TAFA5: variants seen among roughly 807,000 people sequenced by gnomAD.
The protein encoded by TAFA5 is TAFA chemokine like family member 5.
A neutral mutation model predicts 15.3 loss-of-function variants in TAFA5; 6 were observed. The ratio of observed to expected loss-of-function variants is 0.39; its 90% CI spans 0.21 to 0.77. TAFA5 has a LOEUF of 0.77. Among genes scored for constraint, TAFA5 ranks in the 30% least tolerant of loss-of-function variants. The pLI is 0.41. For missense variants in TAFA5, 161 were observed against 193.1 expected, an observed-to-expected ratio of 0.83 and a Z score of 0.98; for synonymous variants, 103 against 80.7, an observed-to-expected ratio of 1.28 and a Z score of -1.48.
chr22:48,489,822 C>T lies in TAFA5; in HGVS notation c.112+118C>T, dbSNP rs1928077857. The T allele has an allele frequency of 1.9e-6, 1 of 529,532 alleles. No homozygotes were observed. Among genetic ancestry groups the T allele is most frequent in the African/African-American group, 2.0e-5 (1 of 48,994 alleles). 32.8% of individuals were successfully genotyped at this position (529,532 alleles called of 1,614,324 possible). A position where few individuals can be genotyped will look rare whatever the true frequency, so the allele number is the denominator to read the frequency against. On this transcript the variant is annotated intron_variant, in intron 1 of 3. Transcript: ENST00000402357. This position sits in a 1 kb window ranked among gnomAD's most constrained non-coding sequence, Gnocchi z 5.5. ...TCGGCGCGGAGTTACGAGCGCCGGG[C>T]GCATGGTCCCCCGAGTCCCGGCCGG...
intron 2 of TAFA5, among the ~76,000 whole-genome samples, chr22:48,682,828 A>T (rs543051936): frequency 1.3e-4 from 19 of 151,982 alleles, no homozygotes; most frequent in Admixed American, 4.6e-4. Context: ...GTTTATTTCT[A>T]AAGCCAGGCT....
chr22:48,723,151 C>T (rs1929619918), intron 3 of TAFA5, among the ~76,000 whole-genome samples: 1 of 152,186 alleles, frequency 6.6e-6, no homozygotes, highest in African/African-American at 2.4e-5. Context: ...AGATGTGCCT[C>T]ATTCTCAGCC....
intron 1 of TAFA5, among the ~76,000 whole-genome samples, chr22:48,632,582 G>A (rs972998873): frequency 5.9e-5 from 9 of 151,464 alleles, no homozygotes; most frequent in East Asian, 1.9e-4. Flanking sequence ...AGAACGTGCC[G>A]GGCCCTGGAG....
intron 1 of TAFA5, among the ~76,000 whole-genome samples, chr22:48,615,814 G>T (rs979346115): frequency 6.6e-6 from 1 of 152,144 alleles, no homozygotes; most frequent in African/African-American, 2.4e-5. Context: ...GCTCCTGTCC[G>T]CAGAGAACCC....
rs990032627 is a variant in TAFA5 at position 48,650,238 on chromosome 22, G to A, written c.262+3492G>A. On this transcript the variant is annotated intron_variant, in intron 2 of 3. Coordinates refer to ENST00000402357, the MANE Select transcript of TAFA5 (RefSeq NM_001082967.3). ...GCACTTGCTGCCCCTACCGCGTTCC[G>A]TGACCACAGGCGCTCGGAATGCCGG... is the stretch of plus-strand genomic sequence containing the variant. Among the ~76,000 whole-genome samples, 4 of 152,230 alleles carry A rather than the reference G, an allele frequency of 2.6e-5. No individual in the cohort carries two copies. In the East Asian group the frequency reaches 5.8e-4, roughly 22 times the overall value.
rs1467457734 is a variant in TAFA5 at position 48,633,531 on chromosome 22, TGTCTCTCC to T, written c.113-13065_113-13058del. On this transcript the variant is annotated intron_variant, in intron 1 of 3. Coordinates refer to ENST00000402357, the MANE Select transcript of TAFA5 (RefSeq NM_001082967.3). ...CTGTCTGTCTGTCTGTCTGTCTGTCTGTCTCTCCCTCTCTCTCTCTCTCTCTCCATCTC... is the reference window on the plus strand; with the variant it reads ...CTGTCTGTCTGTCTGTCTGTCTGTCTCTCTCTCTCTCTCTCTCTCCATCTC... Among the ~76,000 whole-genome samples, 801 of 114,648 alleles carry T rather than the reference TGTCTCTCC, an allele frequency of 7.0e-3. 13 individuals carry two copies. Among genetic ancestry groups the T allele is most frequent in the African/African-American group, 0.023 (671 of 28,950 alleles). The allele number at this position is 114,648 out of a possible 152,430, so 75.2% of individuals were successfully genotyped here. A position where few individuals can be genotyped will look rare whatever the true frequency, so the allele number is the denominator to read the frequency against.
At chr22:48,730,252 C>T (rs1046704986) in intron 3 of TAFA5, among the ~76,000 whole-genome samples, 1 of 152,124 alleles carries the variant, frequency 6.6e-6, no homozygotes, top group African/African-American at 2.4e-5. Flanking sequence ...GGCATGGTGG[C>T]ACGTGCCTAT....
intron 1 of TAFA5, among the ~76,000 whole-genome samples, chr22:48,555,598 C>T (rs1380533886): frequency 6.6e-6 from 1 of 152,182 alleles, no homozygotes; most frequent in African/African-American, 2.4e-5. Flanking sequence ...ACCCACTGAA[C>T]ACTGAGAAGC....
intron 1 of TAFA5, among the ~76,000 whole-genome samples, chr22:48,582,408 A>G (rs1463025313): frequency 1.3e-5 from 2 of 151,384 alleles, no homozygotes; most frequent in East Asian, 3.9e-4. Context: ...AAAATACACC[A>G]CACACAAAAT....
chr22:48,626,817 T>C (rs373070214), intron 1 of TAFA5, among the ~76,000 whole-genome samples: 3 of 152,262 alleles, frequency 2.0e-5, no homozygotes, highest in Non-Finnish European at 2.9e-5. Flanking sequence ...TTTCATATTA[T>C]TGTGTTTCGT....
chr22:48,543,045 C>T lies in TAFA5; in HGVS notation c.112+53341C>T, dbSNP rs544690560. Reference sequence around the variant, plus strand: ...CCACTCTACATAGTGGGACCCCGATCTGGCAGTGTGTGACTTGCTGAGGGG... The same window carrying T: ...CCACTCTACATAGTGGGACCCCGATTTGGCAGTGTGTGACTTGCTGAGGGG... On this transcript the variant is annotated intron_variant, in intron 1 of 3. Coordinates refer to ENST00000402357, the MANE Select transcript of TAFA5 (RefSeq NM_001082967.3). Among the ~76,000 whole-genome samples, 10 of 151,930 alleles carry T rather than the reference C, an allele frequency of 6.6e-5. No individual in the cohort carries two copies. In the South Asian group the frequency reaches 2.1e-3, roughly 32 times the overall value.
chr22:48,635,019 T>C (rs761784), intron 1 of TAFA5, among the ~76,000 whole-genome samples: 129,437 of 152,234 alleles, frequency 0.85, 55,389 homozygotes, highest in East Asian at 1. Context: ...GGATCCTCTG[T>C]CCTGGTCAGG....
intron 1 of TAFA5, among the ~76,000 whole-genome samples, chr22:48,529,297 C>T (rs1195209589): frequency 1.3e-3 from 68 of 50,654 alleles, no homozygotes; most frequent in East Asian, 0.011. Context: ...ATGGGGGTGT[C>T]CAGGCAGGAG....
intron 1 of TAFA5, among the ~76,000 whole-genome samples, chr22:48,521,335 A>G (rs1374486774): frequency 1.3e-5 from 2 of 152,110 alleles, no homozygotes; most frequent in Admixed American, 6.5e-5. Flanking sequence ...GTTCCAGATC[A>G]CGGCCCAGGG....
chr22:48,668,715 A>T (rs1470538095), intron 2 of TAFA5, among the ~76,000 whole-genome samples: 7 of 150,890 alleles, frequency 4.6e-5, no homozygotes, highest in Non-Finnish European at 1.0e-4. Flanking sequence ...TTTCACTGGA[A>T]ACTGTAGTCC....
intron 1 of TAFA5, among the ~76,000 whole-genome samples, chr22:48,513,917 T>C (rs746718214): frequency 2.0e-5 from 3 of 152,112 alleles, no homozygotes; most frequent in Non-Finnish European, 2.9e-5. Context: ...GGCTCTCAGC[T>C]ACCCAGCAGG....
At chr22:48,558,381 G>A (rs1923111489) in intron 1 of TAFA5, among the ~76,000 whole-genome samples, 1 of 152,084 alleles carries the variant, frequency 6.6e-6, no homozygotes, top group African/African-American at 2.4e-5. Flanking sequence ...TCCCTCCCTG[G>A]AACTGACATA....
intron 1 of TAFA5, chr22:48,576,267 G>GCCCCCCTCCCCCCGCCCGCTCCCCT (rs1923792174): frequency 1.5e-6 from 1 of 662,884 alleles, no homozygotes; most frequent in Non-Finnish European, 2.1e-6. Flanking sequence ...CCTCCGCGGC[G>GCCCCCCTCCCCCCGCCCGCTCCCCT]CCCCCCTCCC....
intron 1 of TAFA5, among the ~76,000 whole-genome samples, chr22:48,577,547 G>T (rs533081285): frequency 6.6e-6 from 1 of 152,232 alleles, no homozygotes; most frequent in South Asian, 2.1e-4. Flanking sequence ...GCACCGGAGG[G>T]CGCCTGTGTG....
Sources: allele counts gnomAD v4.1 joint callset (sites outside exome capture counted in the v4.1 genomes callset), GRCh38; gene constraint gnomAD v4.1.1; non-coding constraint Gnocchi (gnomAD v3.1); transcripts MANE v1.5; gene names NCBI Gene and HGNC (gene_info 2026-07-23, HGNC 2026-07-21).